Variants in RCBTB1 observed in about 807,000 individuals in gnomAD.
RCBTB1 encodes RCC1 and BTB domain containing protein 1.
In RCBTB1, 46 loss-of-function variants were observed where a neutral mutation model predicts 62.4. The ratio of observed to expected loss-of-function variants is 0.74; its 90% CI spans 0.58 to 0.94. The LOEUF is 0.94. Among genes scored for constraint, RCBTB1 ranks in the 40% least tolerant of loss-of-function variants. The pLI is 0.00. For missense variants in RCBTB1, 565 were observed against 654.9 expected (o/e 0.86, Z 1.50); for synonymous variants, 222 against 245.8 (o/e 0.90, Z 0.91).
chr13:49,535,746 C>T (rs1959887130), intron 12 of RCBTB1, among the ~76,000 whole-genome samples: 1 of 152,086 alleles, frequency 6.6e-6, no homozygotes, highest in Admixed American at 6.5e-5. Context: ...AACCACAGGC[C>T]AGGCGTGGTG....
At chr13:49,544,348 A>G (rs1311628027) in intron 10 of RCBTB1, among the ~76,000 whole-genome samples, 1 of 152,118 alleles carries the variant, frequency 6.6e-6, no homozygotes, top group Admixed American at 6.6e-5. Flanking sequence ...GCCTGCCTGT[A>G]ATCCCAGCTA....
intron 8 of RCBTB1, chr13:49,551,045 G>A: frequency 2.9e-6 from 1 of 341,406 alleles, no homozygotes; most frequent in Non-Finnish European, 5.4e-6. Context: ...GAAGGTTGCA[G>A]TGAGCCGAGA....
intron 1 of RCBTB1, among the ~76,000 whole-genome samples, chr13:49,582,925 C>T (rs1690603914): frequency 6.6e-6 from 1 of 152,096 alleles, no homozygotes; most frequent in Admixed American, 6.6e-5. Flanking sequence ...GCCTGTAATC[C>T]CAACATTTTG....
At chr13:49,575,959 G>A (rs1265285991) in intron 2 of RCBTB1, among the ~76,000 whole-genome samples, 2 of 151,992 alleles carry the variant, frequency 1.3e-5, no homozygotes, top group African/African-American at 4.8e-5. Context: ...AGGCCAAGAC[G>A]AGCAGATCAC....
intron 1 of RCBTB1, among the ~76,000 whole-genome samples, chr13:49,585,108 G>A (rs1418177091): frequency 3.9e-5 from 6 of 152,178 alleles, no homozygotes; most frequent in Admixed American, 3.3e-4. Flanking sequence ...CAGTAAAACG[G>A]CACCCACAGC....
At chr13:49,568,216 A>G (rs1963156985) in intron 2 of RCBTB1, among the ~76,000 whole-genome samples, 1 of 152,192 alleles carries the variant, frequency 6.6e-6, no homozygotes, top group South Asian at 2.1e-4. Flanking sequence ...ATATTAGCAC[A>G]CATAGACCTG....
At chr13:49,534,974 C>T (rs576593923) in intron 12 of RCBTB1, among the ~76,000 whole-genome samples, 6 of 151,998 alleles carry the variant, frequency 3.9e-5, no homozygotes, top group Admixed American at 1.3e-4. Flanking sequence ...GCAGAGGTTG[C>T]GGTGAGCCGA....
At chr13:49,567,379 A>T in intron 2 of RCBTB1, 59 bp from the exon 3 acceptor site, 5 of 1,288,478 alleles carry the variant, frequency 3.9e-6, no homozygotes, top group Non-Finnish European at 5.4e-6. Context: ...TAACTTTCAA[A>T]AAAAAGACCT....
intron 12 of RCBTB1, among the ~76,000 whole-genome samples, chr13:49,535,848 C>A (rs938790678): frequency 2.0e-5 from 3 of 151,966 alleles, no homozygotes; most frequent in Non-Finnish European, 4.4e-5. Flanking sequence ...CATGGTGAAA[C>A]CCCGTCTCTA....
At chr13:49,556,648 C>T (rs1365179618) in intron 5 of RCBTB1, among the ~76,000 whole-genome samples, 1 of 152,182 alleles carries the variant, frequency 6.6e-6, no homozygotes, top group Non-Finnish European at 1.5e-5. Context: ...CACGTATATA[C>T]TGAGTGTGGC....
chr13:49,564,872 C>G (rs1566253413), intron 4 of RCBTB1, among the ~76,000 whole-genome samples: 1 of 149,542 alleles, frequency 6.7e-6, no homozygotes, highest in South Asian at 2.1e-4. Context: ...GCCTGGGCGA[C>G]AGAGAGAGAC....
chr13:49,541,857 T>C (rs774837922), intron 10 of RCBTB1, 30 bp from the exon 11 acceptor site: 8 of 1,567,998 alleles, frequency 5.1e-6, no homozygotes, highest in Admixed American at 2.1e-5. Context: ...GTCTTATTTG[T>C]TCAGCAGCAA....
chr13:49,561,305 T>C (rs1962412917), intron 4 of RCBTB1, among the ~76,000 whole-genome samples: 1 of 152,202 alleles, frequency 6.6e-6, no homozygotes, highest in Non-Finnish European at 1.5e-5. Flanking sequence ...ACTTGTCTAC[T>C]GTAGAACGAA....
intron 12 of RCBTB1, among the ~76,000 whole-genome samples, chr13:49,539,777 G>A (rs571575895): frequency 7.2e-5 from 11 of 152,096 alleles, no homozygotes; most frequent in South Asian, 2.1e-4. Flanking sequence ...ATCTGTTGTC[G>A]GGCTGCAGAC....
At chr13:49,559,166 G>A (rs561232607) in intron 5 of RCBTB1, among the ~76,000 whole-genome samples, 1 of 152,270 alleles carries the variant, frequency 6.6e-6, no homozygotes, top group East Asian at 1.9e-4. Flanking sequence ...ATGACATTAT[G>A]TGGGCACTTA....
At chr13:49,566,022 C>T (rs1189955733) in intron 4 of RCBTB1, among the ~76,000 whole-genome samples, 7 of 149,142 alleles carry the variant, frequency 4.7e-5, no homozygotes, top group Non-Finnish European at 5.9e-5. Context: ...GGATTAAGGG[C>T]GGTGCAAGAT....
rs1233726593 is a variant in RCBTB1, at chr13:49,556,865, A to G, written c.445-1192T>C. On this transcript the variant is annotated intron_variant, in intron 5 of 12. Transcript: ENST00000378302. ...CATATGCTTAAGATTAAAATAAATC[A>G]GGAACCCAGCCGGCATAAATTAGCA... 3.9e-5 allele frequency among the ~76,000 whole-genome samples: 6 copies of G among 152,258 alleles called. No homozygotes were observed. The East Asian group carries it at 1.2e-3, about 29-fold the overall frequency.
In RCBTB1 at chr13:49,533,925, C is replaced by G; in HGVS notation, c.*197G>C. ...CATTTAAAATACACTTATCTGGAAA[C>G]AAGGGTTGTTTAAAATGGGCTCAAG... On this transcript the variant is annotated 3_prime_UTR_variant, in exon 13 of 13. Transcript: ENST00000378302. 1 of 478,682 alleles carries G rather than the reference C, an allele frequency of 2.1e-6. No individual in the cohort carries two copies. Among genetic ancestry groups the G allele is most frequent in the Non-Finnish European group, 3.7e-6 (1 of 273,846 alleles). The allele number at this position is 478,682 out of a possible 1,614,324, so 29.7% of individuals were successfully genotyped here.
chr13:49,571,062 C>G (rs892338262), intron 2 of RCBTB1, among the ~76,000 whole-genome samples: 1 of 152,094 alleles, frequency 6.6e-6, no homozygotes, highest in African/African-American at 2.4e-5. Context: ...TAAAAAGTAT[C>G]CAGGCCGGGC....
Sources: allele counts gnomAD v4.1 joint callset (sites outside exome capture counted in the v4.1 genomes callset), GRCh38; gene constraint gnomAD v4.1.1; transcripts MANE v1.5; gene names NCBI Gene and HGNC (gene_info 2026-07-23, HGNC 2026-07-21).